OSBPL6: variants seen among roughly 807,000 people sequenced by gnomAD.
OSBPL6 encodes the protein oxysterol-binding protein-related protein 6.
A neutral mutation model predicts 125.8 loss-of-function variants in OSBPL6; 49 were observed. The ratio of observed to expected loss-of-function variants is 0.39; its 90% CI spans 0.31 to 0.49. The LOEUF is 0.49. OSBPL6 is among the 20% of genes least tolerant of loss of function. The pLI, the probability that OSBPL6 is intolerant of heterozygous loss-of-function variation, is 0.88. For synonymous variants in OSBPL6, 394 were observed against 391.8 expected (o/e 1.01, Z -0.07); for missense variants, 986 against 1,135.4 (o/e 0.87, Z 1.89).
At chr2:178,232,083 C>A (rs1394913832) in intron 1 of OSBPL6, among the ~76,000 whole-genome samples, 3 of 152,074 alleles carry the variant, frequency 2.0e-5, no homozygotes, top group Non-Finnish European at 4.4e-5. Context: ...ACAATAATAT[C>A]TTTTCTCACT....
chr2:178,311,492 C>T (rs566610779), intron 3 of OSBPL6, among the ~76,000 whole-genome samples: 8 of 152,242 alleles, frequency 5.3e-5, no homozygotes, highest in African/African-American at 7.2e-5. Context: ...TTCCCTAACA[C>T]TGAAATGTAA....
chr2:178,343,122 AAT>A (rs1690369239), intron 11 of OSBPL6, among the ~76,000 whole-genome samples: 1 of 152,202 alleles, frequency 6.6e-6, no homozygotes, highest in Non-Finnish European at 1.5e-5. Context: ...AAAAAGTTTA[AAT>A]ATTTTTCTGA....
At position 178,331,553 on chromosome 2, in the gene OSBPL6, G is replaced by A. The variant is rs762943454; in HGVS notation, c.320G>A (p.Arg107His). The A allele has an allele frequency of 3.6e-5, 58 of 1,613,842 alleles. No homozygotes were observed. The highest frequency in any genetic ancestry group is 2.5e-4 in the Admixed American group (15 of 59,984). Reference protein sequence around the residue: ...RKWPLKGWHKRFFVLDNGMLK... With the variant: ...RKWPLKGWHKHFFVLDNGMLK... ...ACTGGGGGTGTTTGGTTCTTGCAGC[G>A]TTTTTTTGTCCTGGATAATGGAATG... Residue 107 changes from arginine to histidine, a missense_variant and splice_region_variant, in exon 6 of 25, where the codon CGT becomes CAT. Arg to His is a conservative substitution (Grantham distance 29, BLOSUM62 0). Around this residue, in one of 3 missense-constraint regions of OSBPL6, gnomAD observed 13 missense variants for 31.7 expected, o/e 0.41. Coordinates refer to ENST00000190611, the MANE Select transcript of OSBPL6 (RefSeq NM_032523.4).
chr2:178,344,526 A>G lies in OSBPL6; in HGVS notation c.988-4698A>G, dbSNP rs1203790848. On this transcript the variant is annotated intron_variant, in intron 11 of 24. Coordinates refer to ENST00000190611, the MANE Select transcript of OSBPL6 (RefSeq NM_032523.4). ...TCTCTGGCTGTCTTTGCATGGCAGG[A>G]GTCGAACACGGGTATTCCTTTTTAC... Among the ~76,000 whole-genome samples, 4 of 152,222 alleles carry G rather than the reference A, an allele frequency of 2.6e-5. 1 individual carries two copies. In the South Asian group the frequency reaches 8.3e-4, roughly 31 times the overall value.
intron 2 of OSBPL6, among the ~76,000 whole-genome samples, chr2:178,302,435 A>T (rs1177676820): frequency 6.6e-6 from 1 of 152,132 alleles, no homozygotes; most frequent in Non-Finnish European, 1.5e-5. Flanking sequence ...CAGTTCCTAC[A>T]CTCTAAAGAA....
intron 24 of OSBPL6, 76 bp downstream of exon 24, chr2:178,394,511 T>C: frequency 6.7e-7 from 1 of 1,486,564 alleles, no homozygotes; most frequent in East Asian, 2.3e-5. Context: ...TCCAGTTAAA[T>C]GAAAATAAAA....
chr2:178,355,576 G>A (rs1691706187), intron 12 of OSBPL6, among the ~76,000 whole-genome samples: 1 of 152,170 alleles, frequency 6.6e-6, no homozygotes, highest in Admixed American at 6.5e-5. Flanking sequence ...ACCAGGCTCT[G>A]AAATTGAAGC....
intron 1 of OSBPL6, among the ~76,000 whole-genome samples, chr2:178,261,297 T>C (rs2092052608): frequency 6.6e-6 from 1 of 151,996 alleles, no homozygotes; most frequent in African/African-American, 2.4e-5. Flanking sequence ...TTCTATACCT[T>C]GATTTGGGTG....
chr2:178,198,781 T>C (rs1329893283), intron 1 of OSBPL6, among the ~76,000 whole-genome samples: 1 of 152,194 alleles, frequency 6.6e-6, no homozygotes, highest in Non-Finnish European at 1.5e-5. Context: ...TGTCAAATAT[T>C]CTGTGAACTT....
chr2:178,200,004 G>A (rs1004872670), intron 1 of OSBPL6, among the ~76,000 whole-genome samples: 3 of 152,024 alleles, frequency 2.0e-5, no homozygotes, highest in Admixed American at 6.6e-5. Context: ...AAAGTTCTTC[G>A]AGAATAATGC....
intron 1 of OSBPL6, among the ~76,000 whole-genome samples, chr2:178,205,002 C>T (rs1351903847): frequency 2.0e-5 from 3 of 152,070 alleles, no homozygotes; most frequent in African/African-American, 7.2e-5. Context: ...CCACACTGTA[C>T]CCCACCTTCC....
chr2:178,213,906 T>G lies in OSBPL6; in HGVS notation c.-351+19232T>G, dbSNP rs942975666. ...TACTGCCTGCTTGCCCTTCTCATCT[T>G]CAGTGTCATTCCTCGGTGGCATTTC... On this transcript the variant is annotated intron_variant, in intron 1 of 24. Coordinates refer to ENST00000190611, the MANE Select transcript of OSBPL6 (RefSeq NM_032523.4). Among the ~76,000 whole-genome samples, 66 of 152,196 alleles carry G rather than the reference T, an allele frequency of 4.3e-4. 1 individual carries two copies. Among genetic ancestry groups the G allele is most frequent in the Admixed American group, 6.5e-5 (1 of 15,278 alleles).
chr2:178,298,828 A>T (rs538348938), intron 2 of OSBPL6, among the ~76,000 whole-genome samples: 4 of 151,694 alleles, frequency 2.6e-5, no homozygotes, highest in African/African-American at 9.7e-5. Context: ...GCTTTAGCCA[A>T]CTCCTCAGAA....
intron 1 of OSBPL6, among the ~76,000 whole-genome samples, chr2:178,258,884 G>T (rs334010): frequency 0.38 from 57,002 of 151,450 alleles, 11,046 homozygotes; most frequent in African/African-American, 0.45. Flanking sequence ...TAAACGTCTG[G>T]TTTTTTTTAA....
At chr2:178,384,457 A>G (rs1161343651) in intron 18 of OSBPL6, among the ~76,000 whole-genome samples, 3 of 152,204 alleles carry the variant, frequency 2.0e-5, no homozygotes, top group Non-Finnish European at 2.9e-5. Context: ...CAATCAATAT[A>G]TGTAAGATGT....
chr2:178,354,470 G>A (rs11892094), intron 12 of OSBPL6, among the ~76,000 whole-genome samples: 37,522 of 151,956 alleles, frequency 0.25, 4,880 homozygotes, highest in Admixed American at 0.38. Flanking sequence ...TTAAGCCAAC[G>A]AAGATCAAAA....
intron 1 of OSBPL6, among the ~76,000 whole-genome samples, chr2:178,235,458 G>C (rs2091019547): frequency 7.3e-6 from 1 of 137,390 alleles, no homozygotes; most frequent in Admixed American, 8.1e-5. Flanking sequence ...CCAGGCTGGA[G>C]TGCGGTGGTG....
intron 19 of OSBPL6, among the ~76,000 whole-genome samples, chr2:178,386,799 A>T (rs779561634): frequency 2.0e-5 from 3 of 152,074 alleles, no homozygotes; most frequent in Non-Finnish European, 2.9e-5. Context: ...GTTGAAAACA[A>T]ATAAAGAGCA....
At position 178,396,867 on chromosome 2, in the gene OSBPL6, T is replaced by C. The variant is rs543519869; in HGVS notation, c.*1308T>C. On this transcript the variant is annotated 3_prime_UTR_variant, in exon 25 of 25. Transcript: ENST00000190611. ...TCCTCCACTAATATACAGAGGCTTT[T>C]GCAGAAAACTTGCATCAGTATTCCT... The C allele has an allele frequency of 1.3e-5, 2 of 152,372 alleles. No individual in the cohort carries two copies. Among genetic ancestry groups the C allele is most frequent in the African/African-American group, 4.8e-5 (2 of 41,594 alleles). The allele number at this position is 152,372 out of a possible 1,614,324, so 9.4% of individuals were successfully genotyped here. A position where few individuals can be genotyped will look rare whatever the true frequency, so the allele number is the denominator to read the frequency against.
Sources: gnomAD v4.1 joint callset for allele counts (sites outside exome capture counted in the v4.1 genomes callset) on GRCh38, gnomAD v4.1.1 for gene constraint, gnomAD v4.1.1 regional missense constraint, MANE v1.5 for transcripts, NCBI Gene and HGNC (gene_info 2026-07-23, HGNC 2026-07-21) for gene names.